Variants in PCNT observed in about 807,000 individuals in gnomAD.
PCNT encodes kendrin.
A neutral mutation model predicts 380.4 loss-of-function variants in PCNT; 319 were observed. That is an observed-to-expected ratio of 0.84 (90% CI 0.77 to 0.92). PCNT has a LOEUF of 0.92. Among genes scored for constraint, PCNT ranks in the 40% least tolerant of loss-of-function variants. The pLI, the probability that PCNT is intolerant of heterozygous loss-of-function variation, is 0.00. For missense variants in PCNT, 4,400 were observed against 4,255.3 expected (o/e 1.03, Z -0.95); for synonymous variants, 1,845 against 1,735.2 (o/e 1.06, Z -1.57).
intron 14 of PCNT, among the ~76,000 whole-genome samples, chr21:46,364,524 C>T (rs1361660778): frequency 6.6e-6 from 1 of 152,220 alleles, no homozygotes; most frequent in Non-Finnish European, 1.5e-5. Context: ...TTATAGGTGT[C>T]ATAAGGACAT....
rs1450230786 is a variant in PCNT, at chr21:46,413,099, C to T, written c.6150+107C>T. ...CGAGGCCCACCCGGGAGAGGCTGGA[C>T]ACGCGGCAGCAAGGTGTGGGGAGCG... On this transcript the variant is annotated intron_variant, in intron 29 of 46. Transcript: ENST00000359568. The T allele has an allele frequency of 1.5e-5, 8 of 527,176 alleles. No homozygotes were observed. The East Asian group carries it at 1.8e-4, about 12-fold the overall frequency. The allele number at this position is 527,176 out of a possible 1,614,324, so 32.7% of individuals were successfully genotyped here.
intron 19 of PCNT, among the ~76,000 whole-genome samples, chr21:46,390,199 G>C (rs1260996269): frequency 6.6e-6 from 1 of 151,848 alleles, no homozygotes; most frequent in Non-Finnish European, 1.5e-5. Context: ...TGCGGTCCCA[G>C]CTCCTCAGGA....
At chr21:46,332,589 C>T (rs1211637756) in intron 2 of PCNT, among the ~76,000 whole-genome samples, 1 of 152,178 alleles carries the variant, frequency 6.6e-6, no homozygotes, top group Non-Finnish European at 1.5e-5. Flanking sequence ...GTCCCCTTTT[C>T]GTCCCTCACT....
chr21:46,407,899 TC>T (rs1363527707), intron 27 of PCNT, among the ~76,000 whole-genome samples: 2 of 152,206 alleles, frequency 1.3e-5, no homozygotes, highest in Non-Finnish European at 2.9e-5. Context: ...TTGGCTTCCT[TC>T]TATTTACCTT....
At chr21:46,397,861 A>G (rs1002665290) in intron 22 of PCNT, among the ~76,000 whole-genome samples, 153 bp from the exon 23 acceptor site, 18 of 152,052 alleles carry the variant, frequency 1.2e-4, no homozygotes, top group South Asian at 2.1e-4. Flanking sequence ...ACTTAACTCC[A>G]TTTTACAAAG....
At chr21:46,381,601 T>C in intron 15 of PCNT, 93 bp from the exon 16 acceptor site, 1 of 1,172,190 alleles carries the variant, frequency 8.5e-7, no homozygotes, top group Admixed American at 1.7e-5. Flanking sequence ...GGGGGCTCCA[T>C]GCATATCTGC....
At chr21:46,386,020 C>T (rs573099035) in intron 17 of PCNT, 37 bp downstream of exon 17, 22 of 1,611,718 alleles carry the variant, frequency 1.4e-5, no homozygotes, top group African/African-American at 2.7e-5. Flanking sequence ...GCCTTGTGGC[C>T]GCCAGCACCC....
At position 46,435,996 on chromosome 21, in the gene PCNT, T is replaced by G; in HGVS notation, c.8844T>G (p.Pro2948=). 6.2e-7 allele frequency: 1 copy of G among 1,614,174 alleles called. No homozygotes were observed. Among genetic ancestry groups the G allele is most frequent in the South Asian group, 1.1e-5 (1 of 91,088 alleles). ...VRDLESKDEV[P]GSRLHLGSAR... ...ACCTGGAGTCGAAGGACGAGGTGCC[T>G]GGCAGCCGCCTCCACCTAGGTTCTG... The change falls in exon 39 of 47, where the codon CCT becomes CCG. Residue 2948 remains proline, a synonymous_variant. Coordinates refer to ENST00000359568, the MANE Select transcript of PCNT (RefSeq NM_006031.6).
chr21:46,384,159 T>C (rs2085724394), intron 16 of PCNT, among the ~76,000 whole-genome samples: 1 of 143,248 alleles, frequency 7.0e-6, no homozygotes, highest in Non-Finnish European at 1.5e-5. Context: ...CACAGTGCTG[T>C]GCATTCAGCA....
chr21:46,339,945 T>C (rs1340659973), intron 3 of PCNT, among the ~76,000 whole-genome samples: 1 of 152,176 alleles, frequency 6.6e-6, no homozygotes, highest in Non-Finnish European at 1.5e-5. Context: ...ACCTTCTACC[T>C]GTTCTTTCTC....
In PCNT at chr21:46,390,697, C is replaced by T. The variant is rs990450574; in HGVS notation, c.3868C>T (p.Arg1290Cys). The T allele has an allele frequency of 1.3e-5, 21 of 1,613,924 alleles. No individual in the cohort carries two copies. Among genetic ancestry groups the T allele is most frequent in the African/African-American group, 1.1e-4 (8 of 74,910 alleles). The change falls in exon 20 of 47, where the codon CGT (arginine) becomes TGT (cysteine). Residue 1290 changes from arginine (R) to cysteine (C), a missense_variant. Coordinates refer to ENST00000359568, the MANE Select transcript of PCNT (RefSeq NM_006031.6). The stretch of plus-strand genomic sequence containing the variant: ...GGAAGAAGCACGCCAAATTCATTCT[C>T]GTTTTGAAAAAGAATTTAGTTTTAA... The part of the protein sequence containing the change: ...QLEEARQIHS[R>C]FEKEFSFKNE...
chr21:46,411,565 C>T lies in PCNT; in HGVS notation c.5492C>T (p.Ala1831Val), dbSNP rs761263896. The change falls in exon 28 of 47, where the codon GCG becomes GTG. Residue 1831 changes from alanine (A) to valine (V), a missense_variant. Ala to Val is a moderately conservative substitution (Grantham distance 64, BLOSUM62 0). Transcript: ENST00000359568. ...QQRLQGAEEAAELQLAELERN... is the reference protein window; with the variant it reads ...QQRLQGAEEAVELQLAELERN... ...CGCCTCCAGGGCGCAGAGGAGGCTGCGGAGCTACAGCTGGCTGAGCTGGAG... is the reference window on the plus strand; with the variant it reads ...CGCCTCCAGGGCGCAGAGGAGGCTGTGGAGCTACAGCTGGCTGAGCTGGAG... 114 of 1,612,362 alleles carry T rather than the reference C, an allele frequency of 7.1e-5. No homozygotes were observed. Among genetic ancestry groups the T allele is most frequent in the Admixed American group, 2.7e-4 (16 of 59,944 alleles).
intron 13 of PCNT, among the ~76,000 whole-genome samples, chr21:46,361,462 C>T (rs778447198): frequency 6.6e-6 from 1 of 152,198 alleles, no homozygotes; most frequent in Non-Finnish European, 1.5e-5. Flanking sequence ...TAAGAGTCAC[C>T]ATGATGCTGC....
At chr21:46,354,284 C>CCCT (rs1404941022) in intron 11 of PCNT, among the ~76,000 whole-genome samples, 1 of 152,230 alleles carries the variant, frequency 6.6e-6, no homozygotes, top group African/African-American at 2.4e-5. Flanking sequence ...GAGCCGGAGC[C>CCCT]CCTCCCTCAG....
At chr21:46,414,418 CCCT>C (rs1024043087) in intron 29 of PCNT, among the ~76,000 whole-genome samples, 6 of 149,136 alleles carry the variant, frequency 4.0e-5, no homozygotes, top group Admixed American at 6.7e-5. Flanking sequence ...CATCTGTCCA[CCCT>C]CCTCCTCCTC....
At position 46,355,832 on chromosome 21, in the gene PCNT, G is replaced by A. The variant is rs538021985; in HGVS notation, c.1936+206G>A. Among the ~76,000 whole-genome samples, 3 of 152,316 alleles carry A rather than the reference G, an allele frequency of 2.0e-5. No homozygotes were observed. The East Asian group carries it at 5.8e-4, about 29-fold the overall frequency. On this transcript the variant is annotated intron_variant, in intron 12 of 46. Coordinates refer to ENST00000359568, the MANE Select transcript of PCNT (RefSeq NM_006031.6). ...GGGGTCACTGGCTGGGCAGGAGTGC[G>A]TGTCCTGGGCCAGCGCCCCAGCAGG...
rs765934873 is a variant in PCNT at position 46,442,578 on chromosome 21, G to A, written c.9700+5G>A. ...AAGGCAAAGCCCCTCGCCCAGGTGG[G>A]ACTCCAGCTGCTGTTGACCGCTGGA... is the stretch of plus-strand genomic sequence containing the variant. On this transcript the variant is annotated splice_donor_5th_base_variant and intron_variant, in intron 44 of 46. Coordinates refer to ENST00000359568, the MANE Select transcript of PCNT (RefSeq NM_006031.6). 6.4e-7 allele frequency: 1 copy of A among 1,572,032 alleles called. No homozygotes were observed. The highest frequency in any genetic ancestry group is 8.8e-7 in the Non-Finnish European group (1 of 1,141,822).
intron 43 of PCNT, 64 bp downstream of exon 43, chr21:46,441,148 C>G (rs1317224148): frequency 9.7e-7 from 1 of 1,028,006 alleles, no homozygotes; most frequent in Non-Finnish European, 1.5e-6. Context: ...CAGCACACTG[C>G]ATGGTTTTTT....
At chr21:46,415,970 T>A in intron 29 of PCNT, 99 bp from the exon 30 acceptor site, 10 of 1,120,464 alleles carry the variant, frequency 8.9e-6, no homozygotes, top group Non-Finnish European at 4.0e-6. Flanking sequence ...ATCACCCGAG[T>A]GCTCCGAAAC....
Sources: gnomAD v4.1 joint callset for allele counts (sites outside exome capture counted in the v4.1 genomes callset) on GRCh38, gnomAD v4.1.1 for gene constraint, MANE v1.5 for transcripts, NCBI Gene and HGNC (gene_info 2026-07-23, HGNC 2026-07-21) for gene names.